The following TMEM176B variants were observed in gnomAD, a reference collection of about 807,000 sequenced individuals.
TMEM176B encodes the protein transmembrane protein 176B.
A neutral mutation model predicts 30.3 loss-of-function variants in TMEM176B; 28 were observed. That is an observed-to-expected ratio of 0.92 (90% CI 0.68 to 1.27). The LOEUF is 1.27. TMEM176B is among the 50% of genes most tolerant of loss of function. The pLI is 0.00. For synonymous variants in TMEM176B, 123 were observed against 130.3 expected, an observed-to-expected ratio of 0.94 and a Z score of 0.38; for missense variants, 349 against 327.4, an observed-to-expected ratio of 1.07 and a Z score of -0.51.
Position 150,791,446 on chromosome 7 carries a change from G to C in TMEM176B, c.*85C>G. The C allele has an allele frequency of 2.7e-6, 3 of 1,111,966 alleles. No individual in the cohort carries two copies. Among genetic ancestry groups the C allele is most frequent in the Non-Finnish European group, 4.0e-6 (3 of 751,144 alleles). 68.9% of individuals were successfully genotyped at this position (1,111,966 alleles called of 1,614,324 possible). Reference sequence around the variant, plus strand: ...GGAGGGTCTGGAGAGCGGCCATAGGGGAGGCAAGTGTGAGGAGCCAGGAGT... The same window carrying C: ...GGAGGGTCTGGAGAGCGGCCATAGGCGAGGCAAGTGTGAGGAGCCAGGAGT... On this transcript the variant is annotated 3_prime_UTR_variant, in exon 7 of 7. Transcript: ENST00000326442.
At chr7:150,797,193 C>T (rs1361759916) in intron 1 of TMEM176B, among the ~76,000 whole-genome samples, 1 of 152,198 alleles carries the variant, frequency 6.6e-6, no homozygotes, top group African/African-American at 2.4e-5. Flanking sequence ...ATAAATCCTA[C>T]CATGACATTT....
At chr7:150,799,633 G>A (rs1798681330) in intron 1 of TMEM176B, among the ~76,000 whole-genome samples, 1 of 152,248 alleles carries the variant, frequency 6.6e-6, no homozygotes, top group South Asian at 2.1e-4. Context: ...GGGTTAGAAA[G>A]GACAGGAGTT....
chr7:150,793,013 G>T, intron 5 of TMEM176B, 75 bp downstream of exon 5: 1 of 1,443,674 alleles, frequency 6.9e-7, no homozygotes, highest in Non-Finnish European at 9.7e-7. Context: ...CTACATCTCT[G>T]TCCTCCAGGG....
chr7:150,795,012 CCT>C lies in TMEM176B; in HGVS notation c.205-943_205-942del, dbSNP rs112911718. ...ATCTCCTGGTCACCCACACTTCAAC[CCT>C]CTCTGCATGCTGTGAATGCCTCTCT... On this transcript the variant is annotated intron_variant, in intron 2 of 6. Transcript: ENST00000326442. Among the ~76,000 whole-genome samples, 1,207 of 152,046 alleles carry C rather than the reference CCT, an allele frequency of 7.9e-3. 23 individuals are homozygous for C. The highest frequency in any genetic ancestry group is 0.027 in the African/African-American group (1,126 of 41,466).
At chr7:150,793,729 C>T in intron 3 of TMEM176B, 129 bp from the exon 4 acceptor site, 1 of 1,053,324 alleles carries the variant, frequency 9.5e-7, no homozygotes, top group Non-Finnish European at 1.4e-6. Flanking sequence ...AGAACTCTGA[C>T]ACACAGACCA....
intron 3 of TMEM176B, among the ~76,000 whole-genome samples, 157 bp downstream of exon 3, chr7:150,793,804 G>A (rs1798413082): frequency 6.6e-6 from 1 of 152,162 alleles, no homozygotes; most frequent in Admixed American, 6.5e-5. Flanking sequence ...AAGTGACAGG[G>A]TTTTAGCTAC....
At position 150,793,149 on chromosome 7, in the gene TMEM176B, C is replaced by T. The variant is rs868626702; in HGVS notation, c.539G>A (p.Arg180Gln). The T allele has an allele frequency of 6.8e-6, 11 of 1,614,042 alleles. No individual in the cohort carries two copies. The highest frequency in any genetic ancestry group is 4.5e-5 in the East Asian group (2 of 44,884). ...CTGCCATTGGTTCTCTTGACTTCGC[C>T]GCATCCATCTGTACCCAGTGGTAGG... ...VFPTTGYRWMRRSQENQWQKE... is the reference protein window; with the variant it reads ...VFPTTGYRWMQRSQENQWQKE... The change falls in exon 5 of 7, where the codon CGG becomes CAG. Residue 180 changes from arginine (R) to glutamine (Q), a missense_variant. By Grantham distance (43) the Arg-to-Gln change is conservative (BLOSUM62 1). Coordinates refer to ENST00000326442, the MANE Select transcript of TMEM176B (RefSeq NM_001101312.2).
At chr7:150,794,968 C>T (rs1478655114) in intron 2 of TMEM176B, among the ~76,000 whole-genome samples, 1 of 150,972 alleles carries the variant, frequency 6.6e-6, no homozygotes, top group Non-Finnish European at 1.5e-5. Context: ...GGCTGCTCCT[C>T]CTGACTTTCA....
In TMEM176B at chr7:150,791,668, G is replaced by T. The variant is rs758229744; in HGVS notation, c.721-45C>A. 3 of 1,533,586 alleles carry T rather than the reference G, an allele frequency of 2.0e-6. No homozygotes were observed. The African/African-American group carries it at 4.1e-5, about 21-fold the overall frequency. The allele number at this position is 1,533,586 out of a possible 1,614,324, so 95.0% of individuals were successfully genotyped here. ...GAAATCCTTAGGGGAAAAGGATGCAGGCAGAGTTAGTATCATAGAACTCAG... is the reference window on the plus strand; with the variant it reads ...GAAATCCTTAGGGGAAAAGGATGCATGCAGAGTTAGTATCATAGAACTCAG... On this transcript the variant is annotated intron_variant, in intron 6 of 6. Transcript: ENST00000326442.
At chr7:150,791,969 G>A (rs566776627) in intron 6 of TMEM176B, 87 bp downstream of exon 6, 85 of 1,573,284 alleles carry the variant, frequency 5.4e-5, no homozygotes, top group East Asian at 3.6e-4. Context: ...CCTCAGGTTC[G>A]GGTGCCCCTG....
chr7:150,793,005 A>T, intron 5 of TMEM176B, 83 bp downstream of exon 5: 1 of 1,356,648 alleles, frequency 7.4e-7, no homozygotes, highest in South Asian at 1.2e-5. Flanking sequence ...CAAAGAGCCT[A>T]CATCTCTGTC....
At chr7:150,796,651 A>G (rs1373973269) in intron 1 of TMEM176B, 77 bp from the exon 2 acceptor site, 2 of 1,409,724 alleles carry the variant, frequency 1.4e-6, no homozygotes, top group African/African-American at 2.8e-5. Context: ...GTGAAAGGAG[A>G]GAAATAGTGT....
chr7:150,800,621 C>T (rs1401785313), upstream of TMEM176B: 1 of 152,678 alleles, frequency 6.5e-6, no homozygotes, highest in African/African-American at 2.4e-5. Context: ...CCCGCGGACC[C>T]TCCCAGCTCC....
intron 1 of TMEM176B, 25 bp from the exon 2 acceptor site, chr7:150,796,599 G>A (rs368035208): frequency 1.9e-5 from 31 of 1,610,662 alleles, no homozygotes; most frequent in Non-Finnish European, 2.4e-5. Flanking sequence ...ACATATAGCA[G>A]TGAGGTCTGG....
At chr7:150,792,961 T>C in intron 5 of TMEM176B, 127 bp downstream of exon 5, 1 of 818,714 alleles carries the variant, frequency 1.2e-6, no homozygotes, top group Non-Finnish European at 2.0e-6. Context: ...CATTAAAACC[T>C]CCTGAATGAA....
At chr7:150,796,307 T>C in intron 2 of TMEM176B, 59 bp downstream of exon 2, 1 of 1,516,776 alleles carries the variant, frequency 6.6e-7, no homozygotes, top group Non-Finnish European at 9.0e-7. Context: ...GCTCTATATT[T>C]TAATTGACCT....
chr7:150,791,468 G>T lies in TMEM176B; in HGVS notation c.*63C>A. The T allele has an allele frequency of 7.1e-7, 1 of 1,413,484 alleles. No individual in the cohort carries two copies. The highest frequency in any genetic ancestry group is 9.9e-7 in the Non-Finnish European group (1 of 1,013,106). The allele number at this position is 1,413,484 out of a possible 1,614,324, so 87.6% of individuals were successfully genotyped here. The stretch of plus-strand genomic sequence containing the variant: ...AGGGGAGGCAAGTGTGAGGAGCCAG[G>T]AGTGGGGGCCCTGGGCTGCCCTAGA... On this transcript the variant is annotated 3_prime_UTR_variant, in exon 7 of 7. Coordinates refer to ENST00000326442, the MANE Select transcript of TMEM176B (RefSeq NM_001101312.2).
chr7:150,796,187 T>C (rs1259128819), intron 2 of TMEM176B, among the ~76,000 whole-genome samples, 179 bp downstream of exon 2: 1 of 152,214 alleles, frequency 6.6e-6, no homozygotes, highest in Admixed American at 6.5e-5. Flanking sequence ...TTTATAAGCC[T>C]CTAACCTTCT....
Position 150,796,420 on chromosome 7 carries a change from A to G in TMEM176B, c.150T>C (p.Pro50=). 6.2e-7 allele frequency: 1 copy of G among 1,614,166 alleles called. No homozygotes were observed. The highest frequency in any genetic ancestry group is 8.5e-7 in the Non-Finnish European group (1 of 1,180,028). ...GGSLKKFLFH[P]GDTVPSTARI... ...TGGCTGTGGAAGGCACAGTGTCCCC[A>G]GGGTGAAAAAGAAACTTCTTCAGAG... The change falls in exon 2 of 7, where the codon CCT becomes CCC. Residue 50 remains proline, a synonymous_variant. Transcript: ENST00000326442.
Sources: allele counts gnomAD v4.1 joint callset (sites outside exome capture counted in the v4.1 genomes callset), GRCh38; gene constraint gnomAD v4.1.1; transcripts MANE v1.5; gene names NCBI Gene and HGNC (gene_info 2026-07-23, HGNC 2026-07-21).